Variants in PPP2R3A observed in about 807,000 individuals in gnomAD.
The protein encoded by PPP2R3A is serine/threonine-protein phosphatase 2A regulatory subunit B'' subunit alpha.
PPP2R3A carries 80 observed loss-of-function variants against 106.9 expected under a neutral mutation model. That is an observed-to-expected ratio of 0.75 (90% CI 0.62 to 0.90). PPP2R3A has a LOEUF of 0.90. PPP2R3A is among the 40% of genes least tolerant of loss of function. The pLI is 0.00. For synonymous variants in PPP2R3A, 483 were observed against 468.3 expected (o/e 1.03, Z -0.41); for missense variants, 1,386 against 1,350.4 (o/e 1.03, Z -0.41).
At chr3:136,137,731 C>T (rs1163545481) in intron 13 of PPP2R3A, among the ~76,000 whole-genome samples, 2 of 151,546 alleles carry the variant, frequency 1.3e-5, no homozygotes, top group East Asian at 3.9e-4. Context: ...TTAGTAGAGA[C>T]GGGGTTTCAC....
At chr3:135,994,397 G>C (rs1008781829) in intron 1 of PPP2R3A, among the ~76,000 whole-genome samples, 1 of 152,176 alleles carries the variant, frequency 6.6e-6, no homozygotes, top group African/African-American at 2.4e-5. Flanking sequence ...TCAGCAGGGT[G>C]AAAGAGGGAT....
At chr3:136,084,215 A>C (rs1481059491) in intron 8 of PPP2R3A, among the ~76,000 whole-genome samples, 3 of 152,200 alleles carry the variant, frequency 2.0e-5, no homozygotes, top group Non-Finnish European at 4.4e-5. Context: ...CCCCTGCTCT[A>C]TGCAGCCTCT....
intron 1 of PPP2R3A, among the ~76,000 whole-genome samples, chr3:135,976,573 ATAAATAAACTCTAGG>A (rs1158011626): frequency 3.9e-5 from 6 of 152,090 alleles, no homozygotes; most frequent in Admixed American, 3.3e-4. Context: ...ATAAACTTAA[ATAAATAAACTCTAGG>A]TAAATAAACT....
chr3:136,140,080 G>T (rs77793450), intron 13 of PPP2R3A, among the ~76,000 whole-genome samples: 12,348 of 151,514 alleles, frequency 0.081, 631 homozygotes, highest in African/African-American at 0.15. Context: ...TGAACCCTGT[G>T]AGTTCTGCTT....
chr3:136,084,838 G>A (rs1302020280), intron 8 of PPP2R3A, among the ~76,000 whole-genome samples: 1 of 152,218 alleles, frequency 6.6e-6, no homozygotes, highest in Non-Finnish European at 1.5e-5. Context: ...CATCGGGCCT[G>A]TAGCCCCTTT....
At chr3:136,100,351 A>G (rs745905057) in intron 10 of PPP2R3A, among the ~76,000 whole-genome samples, 52 of 151,522 alleles carry the variant, frequency 3.4e-4, no homozygotes, top group African/African-American at 1.0e-3. Flanking sequence ...CTCTACCAAA[A>G]AAAAAAGAAC....
chr3:136,070,426 G>A (rs1473197775), intron 5 of PPP2R3A, 52 bp from the exon 6 acceptor site: 3 of 1,473,194 alleles, frequency 2.0e-6, no homozygotes, highest in Non-Finnish European at 2.8e-6. Flanking sequence ...AACTTCCATA[G>A]GCATAATTTT....
intron 7 of PPP2R3A, chr3:136,079,152 T>C (rs1040146094): frequency 1.1e-5 from 5 of 454,568 alleles, no homozygotes; most frequent in African/African-American, 8.0e-5. Context: ...TGAGACAGAG[T>C]AATGAAGACT....
chr3:136,135,803 C>T (rs915358660), intron 13 of PPP2R3A, among the ~76,000 whole-genome samples: 4 of 151,954 alleles, frequency 2.6e-5, no homozygotes, highest in African/African-American at 9.7e-5. Context: ...GTAATCTCAA[C>T]ACTTTGGGAG....
intron 2 of PPP2R3A, among the ~76,000 whole-genome samples, chr3:136,022,057 A>C (rs1266750381): frequency 6.6e-6 from 1 of 152,132 alleles, no homozygotes; most frequent in African/African-American, 2.4e-5. Flanking sequence ...TTCACTTACA[A>C]ATAACTATAT....
At chr3:136,122,952 A>ATATT (rs1938051485) in intron 13 of PPP2R3A, among the ~76,000 whole-genome samples, 1 of 152,232 alleles carries the variant, frequency 6.6e-6, no homozygotes. Context: ...AAAATTTAAT[A>ATATT]TATTTTGTAG....
chr3:136,012,246 C>T (rs1034390153), intron 2 of PPP2R3A, among the ~76,000 whole-genome samples: 2 of 152,126 alleles, frequency 1.3e-5, no homozygotes, highest in Non-Finnish European at 2.9e-5. Flanking sequence ...GAACTCTAGA[C>T]ACTAGAAATT....
At chr3:135,989,874 A>C (rs1036990105) in intron 1 of PPP2R3A, among the ~76,000 whole-genome samples, 3 of 152,198 alleles carry the variant, frequency 2.0e-5, no homozygotes, top group African/African-American at 7.2e-5. Flanking sequence ...CTTTTGTTTA[A>C]AAAGTTATAT....
At chr3:136,067,613 G>T (rs1002198576) in intron 5 of PPP2R3A, among the ~76,000 whole-genome samples, 1 of 152,178 alleles carries the variant, frequency 6.6e-6, no homozygotes, top group Non-Finnish European at 1.5e-5. Flanking sequence ...GAGATCTTCA[G>T]AAGTTCCTCC....
Position 136,090,679 on chromosome 3 carries a change from A to C in PPP2R3A, c.2927+12A>C, listed in dbSNP as rs1228198596. Reference sequence around the variant, plus strand: ...AGGAATCCTACCAGGTATGATTTCTAAGTTTCCTTTGCCAAGATGTTAAAC... The same window carrying C: ...AGGAATCCTACCAGGTATGATTTCTCAGTTTCCTTTGCCAAGATGTTAAAC... On this transcript the variant is annotated intron_variant, in intron 10 of 13. Transcript: ENST00000264977. 6.2e-7 allele frequency: 1 copy of C among 1,604,344 alleles called. No individual in the cohort carries two copies. Among genetic ancestry groups the C allele is most frequent in the Admixed American group, 1.7e-5 (1 of 59,926 alleles).
At chr3:136,036,213 T>C (rs933249800) in intron 3 of PPP2R3A, among the ~76,000 whole-genome samples, 17 of 152,202 alleles carry the variant, frequency 1.1e-4, no homozygotes, top group Non-Finnish European at 2.5e-4. Flanking sequence ...GAATTCTTTT[T>C]CAGGTAAATC....
intron 4 of PPP2R3A, among the ~76,000 whole-genome samples, chr3:136,043,454 A>G (rs927272265): frequency 2.0e-5 from 3 of 152,074 alleles, no homozygotes; most frequent in African/African-American, 7.2e-5. Context: ...ACGAGACTCC[A>G]TCTCAAAAAA....
At chr3:136,144,496 A>G (rs927486912) in intron 13 of PPP2R3A, among the ~76,000 whole-genome samples, 10 of 152,116 alleles carry the variant, frequency 6.6e-5, no homozygotes, top group African/African-American at 2.4e-4. Context: ...CCCCATCTCT[A>G]CTAAAAATAC....
At chr3:136,083,078 G>A (rs1387024132) in intron 8 of PPP2R3A, among the ~76,000 whole-genome samples, 1 of 152,136 alleles carries the variant, frequency 6.6e-6, no homozygotes, top group African/African-American at 2.4e-5. Flanking sequence ...GCAGAAGCAT[G>A]AACACGGCTC....
Sources: allele counts gnomAD v4.1 joint callset (sites outside exome capture counted in the v4.1 genomes callset), GRCh38; gene constraint gnomAD v4.1.1; transcripts MANE v1.5; gene names NCBI Gene and HGNC (gene_info 2026-07-23, HGNC 2026-07-21).